The following ADAMTS2 variants were observed in gnomAD, a reference collection of about 807,000 sequenced individuals.
ADAMTS2 encodes the protein A disintegrin and metalloproteinase with thrombospondin motifs 2.
In ADAMTS2, 50 loss-of-function variants were observed where a neutral mutation model predicts 123.0. That is an observed-to-expected ratio of 0.41 (90% CI 0.32 to 0.51). The LOEUF is 0.51. Among genes scored for constraint, ADAMTS2 ranks in the 20% least tolerant of loss-of-function variants. The pLI, the probability that ADAMTS2 is intolerant of heterozygous loss-of-function variation, is 0.35. For synonymous variants in ADAMTS2, 678 were observed against 695.4 expected, an observed-to-expected ratio of 0.98 and a Z score of 0.39; for missense variants, 1,494 against 1,705.2, an observed-to-expected ratio of 0.88 and a Z score of 2.18.
At chr5:179,284,321 T>C (rs2113533459) in intron 2 of ADAMTS2, among the ~76,000 whole-genome samples, 1 of 151,866 alleles carries the variant, frequency 6.6e-6, no homozygotes. Flanking sequence ...AGAGTGAGAC[T>C]CCATCTCAAA....
At chr5:179,173,968 G>A (rs574299971) in intron 5 of ADAMTS2, among the ~76,000 whole-genome samples, 20 of 148,182 alleles carry the variant, frequency 1.3e-4, no homozygotes, top group South Asian at 8.6e-4. Flanking sequence ...AGCTGAGGTC[G>A]CGCCACTGCA....
At chr5:179,149,828 G>A (rs188665835) in intron 10 of ADAMTS2, among the ~76,000 whole-genome samples, 95 of 152,236 alleles carry the variant, frequency 6.2e-4, no homozygotes, top group African/African-American at 2.2e-3. Flanking sequence ...TGTGCTCCTC[G>A]GGAACCAGGG....
At chr5:179,257,389 G>A (rs893277992) in intron 3 of ADAMTS2, among the ~76,000 whole-genome samples, 2 of 152,224 alleles carry the variant, frequency 1.3e-5, no homozygotes, top group Non-Finnish European at 1.5e-5. Flanking sequence ...TAGGTGCCGG[G>A]AGCCCGGGGA....
chr5:179,303,991 C>T lies in ADAMTS2; in HGVS notation c.535-30927G>A, dbSNP rs934856549. 2.6e-5 allele frequency among the ~76,000 whole-genome samples: 4 copies of T among 152,146 alleles called. No individual in the cohort carries two copies. Among genetic ancestry groups the T allele is most frequent in the African/African-American group, 9.7e-5 (4 of 41,416 alleles). Reference sequence around the variant, plus strand: ...CCTGGGCTCGTGCTTGAGCCGTGCACGAGTGGGTCTGACCCTAAACAACAC... The same window carrying T: ...CCTGGGCTCGTGCTTGAGCCGTGCATGAGTGGGTCTGACCCTAAACAACAC... On this transcript the variant is annotated intron_variant, in intron 2 of 21. Transcript: ENST00000251582. The surrounding 1 kb of genome is among the most constrained non-coding windows in gnomAD (Gnocchi z 4.7).
At chr5:179,168,710 C>G (rs1763759667) in intron 5 of ADAMTS2, among the ~76,000 whole-genome samples, 1 of 152,166 alleles carries the variant, frequency 6.6e-6, no homozygotes. Context: ...ATGGACAAAG[C>G]CAGAATGAAT....
In ADAMTS2 at chr5:179,234,437, T is replaced by C. The variant is rs1360467922; in HGVS notation, c.689-26722A>G. Among the ~76,000 whole-genome samples, 1 of 152,032 alleles carries C rather than the reference T, an allele frequency of 6.6e-6. No homozygotes were observed. The highest frequency in any genetic ancestry group is 1.5e-5 in the Non-Finnish European group (1 of 68,008). ...GGACTGGGCTTCCGTGTGCAGGGCTTCACCCTCGCTCTCCTCTCTGCCTGC... is the reference window on the plus strand; with the variant it reads ...GGACTGGGCTTCCGTGTGCAGGGCTCCACCCTCGCTCTCCTCTCTGCCTGC... On this transcript the variant is annotated intron_variant, in intron 3 of 21. Coordinates refer to ENST00000251582, the MANE Select transcript of ADAMTS2 (RefSeq NM_014244.5). The surrounding 1 kb of genome is among the most constrained non-coding windows in gnomAD (Gnocchi z 4.7).
At chr5:179,344,266 GA>G in intron 1 of ADAMTS2, 105 bp from the exon 2 acceptor site, 1 of 1,418,214 alleles carries the variant, frequency 7.1e-7, no homozygotes, top group Non-Finnish European at 9.5e-7. Flanking sequence ...ACTGCGAAGG[GA>G]AGGGGCATTC....
At chr5:179,172,618 G>A (rs948871431) in intron 5 of ADAMTS2, among the ~76,000 whole-genome samples, 5 of 152,296 alleles carry the variant, frequency 3.3e-5, no homozygotes, top group African/African-American at 7.2e-5. Flanking sequence ...CACAGGAAGC[G>A]TGAGCTAGCG....
chr5:179,287,672 C>T (rs980664449), intron 2 of ADAMTS2, among the ~76,000 whole-genome samples: 4 of 152,228 alleles, frequency 2.6e-5, no homozygotes, highest in Admixed American at 1.3e-4. Context: ...GGCAGCTCAG[C>T]CCGGAGAGCA....
At chr5:179,273,547 C>A (rs1446655659) in intron 2 of ADAMTS2, among the ~76,000 whole-genome samples, 3 of 152,274 alleles carry the variant, frequency 2.0e-5, no homozygotes, top group South Asian at 4.1e-4. Context: ...CTGGGCCAAA[C>A]AATATTTTTA....
intron 2 of ADAMTS2, among the ~76,000 whole-genome samples, chr5:179,329,197 G>C (rs553739050): frequency 8.4e-4 from 128 of 152,108 alleles, no homozygotes; most frequent in South Asian, 2.7e-3. Context: ...TGTGGTGGCG[G>C]GCGCCTGTAG....
rs1459105526 is a variant in ADAMTS2 at position 179,180,501 on chromosome 5, A to T, written c.975+571T>A. ...CCCCGCTAAGTGGTAACCAATCTTT[A>T]GAGACAGGAAACAACTCATCCATGA... On this transcript the variant is annotated intron_variant, in intron 5 of 21. Transcript: ENST00000251582. This position sits in a 1 kb window ranked among gnomAD's most constrained non-coding sequence, Gnocchi z 4.6. Among the ~76,000 whole-genome samples the T allele has an allele frequency of 6.6e-6, 1 of 152,202 alleles. No individual in the cohort carries two copies.
intron 12 of ADAMTS2, 144 bp from the exon 13 acceptor site, chr5:179,136,186 G>T: frequency 8.6e-7 from 1 of 1,167,382 alleles, no homozygotes; most frequent in Non-Finnish European, 1.3e-6. Flanking sequence ...AAAGGGGTGG[G>T]TGACAGCAGC....
intron 3 of ADAMTS2, among the ~76,000 whole-genome samples, chr5:179,207,984 G>C (rs963694665): frequency 6.6e-6 from 1 of 152,142 alleles, no homozygotes; most frequent in Admixed American, 6.5e-5. Context: ...GCCACAGCAG[G>C]GGCCACAGTG....
chr5:179,344,899 C>A (rs1757896527), intron 1 of ADAMTS2, among the ~76,000 whole-genome samples: 1 of 152,180 alleles, frequency 6.6e-6, no homozygotes, highest in South Asian at 2.1e-4. Context: ...CCCGCTGGGG[C>A]TGACTCTGCG....
In ADAMTS2 at chr5:179,117,033, C is replaced by T. The variant is rs1463593704; in HGVS notation, c.3179-2709G>A. ...ATTTTGAAACTGGCAGAAGGCTTTT[C>T]TCAGATAAAAATCTTACACAGGTGC... On this transcript the variant is annotated intron_variant, in intron 21 of 21. Transcript: ENST00000251582. The surrounding 1 kb of genome is among the most constrained non-coding windows in gnomAD (Gnocchi z 4.2). Among the ~76,000 whole-genome samples, 1 of 152,164 alleles carries T rather than the reference C, an allele frequency of 6.6e-6. No homozygotes were observed. The highest frequency in any genetic ancestry group is 2.4e-5 in the African/African-American group (1 of 41,444).
At chr5:179,280,561 C>T (rs1015884389) in intron 2 of ADAMTS2, among the ~76,000 whole-genome samples, 4 of 152,216 alleles carry the variant, frequency 2.6e-5, no homozygotes, top group Non-Finnish European at 5.9e-5. Flanking sequence ...AAACCAAAAA[C>T]CAGAAACCCA....
intron 10 of ADAMTS2, 62 bp downstream of exon 10, chr5:179,152,080 G>T: frequency 6.8e-7 from 1 of 1,480,220 alleles, no homozygotes; most frequent in Non-Finnish European, 9.4e-7. Context: ...CTGGTGACCC[G>T]GGCACCTAAG....
chr5:179,181,496 C>T lies in ADAMTS2; in HGVS notation c.892-341G>A, dbSNP rs1359047573. Among the ~76,000 whole-genome samples, 4 of 152,170 alleles carry T rather than the reference C, an allele frequency of 2.6e-5. No homozygotes were observed. The highest frequency in any genetic ancestry group is 5.9e-5 in the Non-Finnish European group (4 of 68,038). On this transcript the variant is annotated intron_variant, in intron 4 of 21. Coordinates refer to ENST00000251582, the MANE Select transcript of ADAMTS2 (RefSeq NM_014244.5). The surrounding 1 kb of genome is among the most constrained non-coding windows in gnomAD (Gnocchi z 4.1). The stretch of plus-strand genomic sequence containing the variant: ...AGCTGAAACACAACCTTCCCTTCAA[C>T]AGTGAACGTGGGTGATGGACCCCCG...
Sources: allele counts gnomAD v4.1 joint callset (sites outside exome capture counted in the v4.1 genomes callset), GRCh38; gene constraint gnomAD v4.1.1; non-coding constraint Gnocchi (gnomAD v3.1); transcripts MANE v1.5; gene names NCBI Gene and HGNC (gene_info 2026-07-23, HGNC 2026-07-21).